The following ADAMTSL1 variants were observed in gnomAD, a reference collection of about 807,000 sequenced individuals.
ADAMTSL1 encodes ADAMTS like 1.
A neutral mutation model predicts 201.8 loss-of-function variants in ADAMTSL1; 126 were observed. That is an observed-to-expected ratio of 0.62 (90% CI 0.54 to 0.72). The LOEUF is 0.72. Among genes scored for constraint, ADAMTSL1 ranks in the 30% least tolerant of loss-of-function variants. ADAMTSL1 has a pLI of 0.00. For missense variants in ADAMTSL1, 2,679 were observed against 2,277.8 expected (o/e 1.18, Z -3.59); for synonymous variants, 1,121 against 903.4 (o/e 1.24, Z -4.32).
At chr9:18,134,300 A>G (rs1826068961) in intron 1 of ADAMTSL1, among the ~76,000 whole-genome samples, 1 of 152,154 alleles carries the variant, frequency 6.6e-6, no homozygotes, top group Non-Finnish European at 1.5e-5. Context: ...ACTTCTGCAG[A>G]GGCAAGTTTG....
rs1350818782 is a variant in ADAMTSL1 at position 18,310,385 on chromosome 9, A to C, written c.207+146404A>C. ...TCTGCATAGCAAAAAAAAAAAAAAA[A>C]AAAAAAAAAAAAAACTATCTTCAGA... On this transcript the variant is annotated intron_variant, in intron 2 of 29. Transcript: ENST00000680146. Among the ~76,000 whole-genome samples, 5 of 146,258 alleles carry C rather than the reference A, an allele frequency of 3.4e-5. 1 individual carries two copies. Among genetic ancestry groups the C allele is most frequent in the African/African-American group, 4.9e-5 (2 of 40,466 alleles).
At chr9:18,149,297 GC>G (rs1826797677) in intron 1 of ADAMTSL1, among the ~76,000 whole-genome samples, 1 of 151,984 alleles carries the variant, frequency 6.6e-6, no homozygotes, top group Admixed American at 6.6e-5. Context: ...CCATAGAGGA[GC>G]AGATGATCAT....
intron 1 of ADAMTSL1, among the ~76,000 whole-genome samples, chr9:18,488,121 G>A (rs1395610999): frequency 6.6e-6 from 1 of 152,142 alleles, no homozygotes; most frequent in Non-Finnish European, 1.5e-5. Flanking sequence ...GCAGAAATAC[G>A]ATTATGGAAC....
At chr9:18,655,687 A>T (rs1828594992) in intron 7 of ADAMTSL1, among the ~76,000 whole-genome samples, 1 of 151,930 alleles carries the variant, frequency 6.6e-6, no homozygotes, top group Non-Finnish European at 1.5e-5. Flanking sequence ...TTTGAATCTA[A>T]ACAAATGCTC....
At chr9:18,840,249 C>A (rs1825626378) in intron 23 of ADAMTSL1, among the ~76,000 whole-genome samples, 1 of 152,094 alleles carries the variant, frequency 6.6e-6, no homozygotes, top group South Asian at 2.1e-4. Flanking sequence ...CAGCTTTCTA[C>A]ATATGGCTAG....
intron 20 of ADAMTSL1, among the ~76,000 whole-genome samples, chr9:18,812,551 A>G (rs1361317544): frequency 6.6e-6 from 1 of 152,216 alleles, no homozygotes; most frequent in African/African-American, 2.4e-5. Context: ...CTTGCTATCA[A>G]AAGCATAATC....
At chr9:17,926,227 G>T (rs540999728) in intron 1 of ADAMTSL1, among the ~76,000 whole-genome samples, 11 of 152,230 alleles carry the variant, frequency 7.2e-5, no homozygotes, top group African/African-American at 2.6e-4. Context: ...AATAAAGGTT[G>T]TTTATTATTA....
intron 19 of ADAMTSL1, among the ~76,000 whole-genome samples, chr9:18,792,018 C>A (rs973790682): frequency 2.0e-5 from 3 of 151,944 alleles, no homozygotes; most frequent in Non-Finnish European, 4.4e-5. Flanking sequence ...ATAAATGGGC[C>A]AGGGTAGGAG....
chr9:17,990,039 T>C (rs762485660), intron 1 of ADAMTSL1, among the ~76,000 whole-genome samples: 16 of 151,898 alleles, frequency 1.1e-4, no homozygotes, highest in Non-Finnish European at 1.9e-4. Flanking sequence ...AGACATAGAC[T>C]TGTTAAATGA....
intron 2 of ADAMTSL1, among the ~76,000 whole-genome samples, chr9:18,236,738 C>T (rs910632295): frequency 1.1e-4 from 16 of 152,004 alleles, no homozygotes; most frequent in South Asian, 6.2e-4. Context: ...ATATTTTCAG[C>T]GAAGAAAAAT....
intron 1 of ADAMTSL1, among the ~76,000 whole-genome samples, chr9:17,928,269 G>T (rs1267943942): frequency 6.6e-5 from 10 of 152,114 alleles, no homozygotes; most frequent in Admixed American, 6.6e-4. Flanking sequence ...AAAGTGCTGG[G>T]ATTACAGATG....
intron 2 of ADAMTSL1, among the ~76,000 whole-genome samples, chr9:18,215,555 A>C (rs547061979): frequency 6.6e-6 from 1 of 152,346 alleles, no homozygotes; most frequent in South Asian, 2.1e-4. Context: ...GCTGACTAGC[A>C]ATCAAAAAAA....
intron 25 of ADAMTSL1, chr9:18,890,476 C>T (rs1829177337): frequency 1.3e-5 from 6 of 455,826 alleles, no homozygotes; most frequent in Non-Finnish European, 1.8e-5. Flanking sequence ...GGATGTGGCT[C>T]AGCTCTCAAA....
chr9:18,404,682 A>G (rs1818116486), intron 2 of ADAMTSL1, among the ~76,000 whole-genome samples: 1 of 152,172 alleles, frequency 6.6e-6, no homozygotes, highest in African/African-American at 2.4e-5. Context: ...GGATCCTGGC[A>G]TTGTGCCCAG....
chr9:18,017,741 A>G (rs1820318800), intron 1 of ADAMTSL1, among the ~76,000 whole-genome samples: 3 of 151,968 alleles, frequency 2.0e-5, no homozygotes, highest in South Asian at 2.1e-4. Context: ...ATTATATCCA[A>G]CTTCCCAAAT....
chr9:18,352,095 A>G (rs1468617715), intron 2 of ADAMTSL1, among the ~76,000 whole-genome samples: 1 of 152,144 alleles, frequency 6.6e-6, no homozygotes, highest in South Asian at 2.1e-4. Flanking sequence ...TTCAAAATAT[A>G]TAAAATAGAT....
chr9:18,400,581 T>C lies in ADAMTSL1; in HGVS notation c.208-104248T>C, dbSNP rs574844166. 2.6e-5 allele frequency among the ~76,000 whole-genome samples: 4 copies of C among 152,344 alleles called. No homozygotes were observed. In the South Asian group the frequency reaches 8.3e-4, roughly 32 times the overall value. The stretch of plus-strand genomic sequence containing the variant: ...GTACTTTTCATAAAAATGTATGATG[T>C]ATTTGCAATTGTACATAGAATACGT... On this transcript the variant is annotated intron_variant, in intron 2 of 29. Coordinates refer to the ADAMTSL1 transcript ENST00000680146.
At chr9:18,073,336 A>T (rs1030257018) in intron 1 of ADAMTSL1, among the ~76,000 whole-genome samples, 3 of 152,156 alleles carry the variant, frequency 2.0e-5, no homozygotes, top group Non-Finnish European at 4.4e-5. Flanking sequence ...CATCTCAACT[A>T]GTTTTGTGCT....
chr9:18,267,762 T>TAAAAAAAAAAAAAAAAAAAAAAAAAA (rs72030473), intron 2 of ADAMTSL1, among the ~76,000 whole-genome samples: 1 of 125,286 alleles, frequency 8.0e-6, no homozygotes, highest in African/African-American at 3.4e-5. Flanking sequence ...CAAAGGCTAT[T>TAAAAAAAAAAAAAAAAAAAAAAAAAA]AAAAAAAAAA....
Sources: allele counts gnomAD v4.1 joint callset (sites outside exome capture counted in the v4.1 genomes callset), GRCh38; gene constraint gnomAD v4.1.1; transcripts MANE v1.5; gene names NCBI Gene and HGNC (gene_info 2026-07-23, HGNC 2026-07-21).